The following ESRRB variants were observed in gnomAD, a reference collection of about 807,000 sequenced individuals.
ESRRB encodes the protein estrogen related receptor beta.
ESRRB carries 16 observed loss-of-function variants against 46.0 expected under a neutral mutation model. That is an observed-to-expected ratio of 0.35 (90% CI 0.24 to 0.53). The LOEUF (loss-of-function observed/expected upper bound fraction) is 0.53, where lower values mean the gene tolerates loss of function less well. Among genes scored for constraint, ESRRB ranks in the 20% least tolerant of loss-of-function variants. ESRRB has a pLI of 0.93. For synonymous variants in ESRRB, 246 were observed against 259.6 expected (o/e 0.95, Z 0.50); for missense variants, 488 against 607.4 (o/e 0.80, Z 2.07).
intron 1 of ESRRB, among the ~76,000 whole-genome samples, chr14:76,437,054 CAG>C (rs1887703562): frequency 6.6e-6 from 1 of 152,200 alleles, no homozygotes; most frequent in East Asian, 1.9e-4. Context: ...ATTTTTGAGA[CAG>C]AGTCTTGCTC....
At chr14:76,479,564 T>C (rs1889724779) in intron 3 of ESRRB, among the ~76,000 whole-genome samples, 1 of 152,114 alleles carries the variant, frequency 6.6e-6, no homozygotes, top group African/African-American at 2.4e-5. Context: ...AGAGTACATT[T>C]AGAAACCAGA....
At chr14:76,358,427 G>GA (rs1018640623) in intron 1 of ESRRB, among the ~76,000 whole-genome samples, 1 of 150,058 alleles carries the variant, frequency 6.7e-6, no homozygotes, top group Admixed American at 6.6e-5. Context: ...AAAAGAAAAA[G>GA]AAAAAAATGG....
chr14:76,338,545 T>C (rs72731608), intron 1 of ESRRB, among the ~76,000 whole-genome samples: 16,977 of 152,338 alleles, frequency 0.11, 1,161 homozygotes, highest in African/African-American at 0.18. Flanking sequence ...AAGCTGGGTA[T>C]GAAATTGTGG....
chr14:76,327,914 A>C (rs919223213), intron 1 of ESRRB, among the ~76,000 whole-genome samples: 2 of 151,746 alleles, frequency 1.3e-5, no homozygotes, highest in Non-Finnish European at 2.9e-5. Flanking sequence ...AGGTTTCACC[A>C]TGTTGGCCAG....
intron 1 of ESRRB, among the ~76,000 whole-genome samples, chr14:76,362,726 G>A (rs1595055041): frequency 6.6e-6 from 1 of 152,314 alleles, no homozygotes; most frequent in Non-Finnish European, 1.5e-5. Flanking sequence ...ATGCTCCGGG[G>A]AGACCTAGGA....
intron 2 of ESRRB, among the ~76,000 whole-genome samples, chr14:76,446,561 G>A (rs1323793854): frequency 6.6e-6 from 1 of 152,110 alleles, no homozygotes; most frequent in East Asian, 1.9e-4. Context: ...AATTAACAAG[G>A]ATTGGCTAGC....
intron 1 of ESRRB, among the ~76,000 whole-genome samples, chr14:76,336,670 A>G (rs1157414156): frequency 1.3e-5 from 2 of 152,156 alleles, no homozygotes; most frequent in Non-Finnish European, 2.9e-5. Context: ...GAGTGAGAGG[A>G]AGCCACTGAA....
intron 1 of ESRRB, among the ~76,000 whole-genome samples, chr14:76,409,341 T>C (rs1288410260): frequency 6.6e-6 from 1 of 151,146 alleles, no homozygotes; most frequent in Non-Finnish European, 1.5e-5. Context: ...AGTTGGAGGG[T>C]GGGTTAAGTT....
At chr14:76,489,047 C>G (rs942196500) in intron 5 of ESRRB, among the ~76,000 whole-genome samples, 3 of 152,114 alleles carry the variant, frequency 2.0e-5, no homozygotes, top group Non-Finnish European at 4.4e-5. Flanking sequence ...GGCAGAAAAG[C>G]ATTCTAGTAA....
intron 1 of ESRRB, among the ~76,000 whole-genome samples, chr14:76,355,737 G>A (rs970014151): frequency 5.9e-5 from 9 of 152,152 alleles, no homozygotes; most frequent in African/African-American, 2.2e-4. Context: ...ATGTGAGACT[G>A]TATACATCAG....
At chr14:76,345,871 A>G (rs1884243979) in intron 1 of ESRRB, among the ~76,000 whole-genome samples, 1 of 152,234 alleles carries the variant, frequency 6.6e-6, no homozygotes, top group Admixed American at 6.5e-5. Context: ...ACTGTGTGCC[A>G]GGCTGTGTGT....
intron 1 of ESRRB, among the ~76,000 whole-genome samples, chr14:76,411,192 A>T (rs943275266): frequency 1.3e-5 from 2 of 151,822 alleles, no homozygotes; most frequent in Non-Finnish European, 2.9e-5. Context: ...GCCTGTAATC[A>T]ATCCCAGCAC....
chr14:76,396,797 C>T (rs1885702934), intron 1 of ESRRB, among the ~76,000 whole-genome samples: 3 of 152,204 alleles, frequency 2.0e-5, no homozygotes, highest in African/African-American at 7.2e-5. Context: ...ACTCCCGGAG[C>T]CAGCGCTGGC....
chr14:76,412,660 A>G (rs1595091820), intron 1 of ESRRB, among the ~76,000 whole-genome samples: 1 of 152,358 alleles, frequency 6.6e-6, no homozygotes, highest in Middle Eastern at 3.4e-3. Flanking sequence ...GTACTATAAA[A>G]TCCAGAATTA....
rs1418658871 is a variant in ESRRB, at chr14:76,312,370, G to GTT, written c.2+1457_2+1458dup. ...TTAACTTTCCTTTTTCTGGTTCCAT[G>GTT]TTTTCAGCTGTATTTTGTTTAGGGT... On this transcript the variant is annotated intron_variant, in intron 1 of 6. Coordinates refer to the ESRRB transcript ENST00000512784. Among the ~76,000 whole-genome samples, 5 of 152,066 alleles carry GTT rather than the reference G, an allele frequency of 3.3e-5. No homozygotes were observed. The East Asian group carries it at 9.6e-4, about 29-fold the overall frequency.
At chr14:76,494,637 C>G (rs957138984) in intron 6 of ESRRB, among the ~76,000 whole-genome samples, 1 of 152,106 alleles carries the variant, frequency 6.6e-6, no homozygotes, top group Admixed American at 6.6e-5. Flanking sequence ...TAGGTTTTGA[C>G]AAATGCATAA....
At chr14:76,454,383 C>T (rs1888516856) in intron 2 of ESRRB, among the ~76,000 whole-genome samples, 1 of 152,080 alleles carries the variant, frequency 6.6e-6, no homozygotes, top group Non-Finnish European at 1.5e-5. Flanking sequence ...GAAGGGAGGC[C>T]CACAGGTACA....
chr14:76,427,724 G>A (rs999589142), intron 1 of ESRRB, among the ~76,000 whole-genome samples: 5 of 152,148 alleles, frequency 3.3e-5, no homozygotes, highest in Non-Finnish European at 7.3e-5. Context: ...TGTATGCCAG[G>A]CATTGTTCTA....
intron 3 of ESRRB, among the ~76,000 whole-genome samples, chr14:76,469,153 G>C (rs1889252400): frequency 6.6e-6 from 1 of 151,774 alleles, no homozygotes; most frequent in Admixed American, 6.6e-5. Context: ...GACTGCAGTG[G>C]TGCCATCTCT....
Sources: gnomAD v4.1 joint callset for allele counts (sites outside exome capture counted in the v4.1 genomes callset) on GRCh38, gnomAD v4.1.1 for gene constraint, MANE v1.5 for transcripts, NCBI Gene and HGNC (gene_info 2026-07-23, HGNC 2026-07-21) for gene names.